Variants in EIF2AK2 observed in about 807,000 individuals in gnomAD.
The protein encoded by EIF2AK2 is interferon-induced, double-stranded RNA-activated protein kinase.
EIF2AK2 carries 40 observed loss-of-function variants against 70.5 expected under a neutral mutation model. That is an observed-to-expected ratio of 0.57 (90% CI 0.44 to 0.74). The LOEUF (loss-of-function observed/expected upper bound fraction) is 0.74, where lower values mean the gene tolerates loss of function less well. Ranked by LOEUF, EIF2AK2 falls within the 30% of genes least tolerant of loss-of-function variation. The pLI is 0.00. For synonymous variants in EIF2AK2, 198 were observed against 220.9 expected (o/e 0.90, Z 0.92); for missense variants, 555 against 644.3 (o/e 0.86, Z 1.50).
chr2:37,118,768 G>A (rs182664967), intron 13 of EIF2AK2, among the ~76,000 whole-genome samples: 3 of 152,264 alleles, frequency 2.0e-5, no homozygotes, highest in East Asian at 1.9e-4. Flanking sequence ...GGCAGACCAC[G>A]GAAGCAATAC....
rs550049023 is a variant in EIF2AK2, at chr2:37,103,784, T to C, written c.*3489A>G. On this transcript the variant is annotated 3_prime_UTR_variant, in exon 17 of 17. Transcript: ENST00000233057. ...TCTCCATGTTGATTTTTGCTGAACA[T>C]TGAAAGTTGCAGACATCATGACACA... 6.6e-6 allele frequency: 1 copy of C among 152,310 alleles called. No homozygotes were observed. The highest frequency in any genetic ancestry group is 2.4e-5 in the African/African-American group (1 of 41,564). The allele number at this position is 152,310 out of a possible 1,614,324, so 9.4% of individuals were successfully genotyped here.
At chr2:37,110,875 T>C (rs1384836302) in intron 14 of EIF2AK2, among the ~76,000 whole-genome samples, 1 of 152,244 alleles carries the variant, frequency 6.6e-6, no homozygotes, top group Non-Finnish European at 1.5e-5. Flanking sequence ...AGCAGCATTA[T>C]TCACCACAGT....
intron 4 of EIF2AK2, 23 bp from the exon 5 acceptor site, chr2:37,141,724 T>G: frequency 1.9e-6 from 3 of 1,582,790 alleles, no homozygotes; most frequent in Non-Finnish European, 2.6e-6. Flanking sequence ...AAAATTCCTG[T>G]TTAATATAAA....
At chr2:37,121,617 ATTTTTTTTTTT>A (rs34031780) in intron 12 of EIF2AK2, among the ~76,000 whole-genome samples, 1 of 122,168 alleles carries the variant, frequency 8.2e-6, no homozygotes, top group African/African-American at 3.0e-5. Flanking sequence ...TGGAGGCTTG[ATTTTTTTTTTT>A]TTTTTTTTTG....
chr2:37,123,977 C>CTTTTTTTTTTT (rs895614657), intron 11 of EIF2AK2, among the ~76,000 whole-genome samples: 3 of 147,552 alleles, frequency 2.0e-5, no homozygotes, highest in African/African-American at 7.5e-5. Flanking sequence ...TAGATTCTTC[C>CTTTTTTTTTTT]TTTTTTTTTT....
intron 1 of EIF2AK2, among the ~76,000 whole-genome samples, chr2:37,152,077 A>C (rs528010797): frequency 2.0e-4 from 30 of 152,358 alleles, no homozygotes; most frequent in African/African-American, 5.5e-4. Context: ...AAAAAACAAC[A>C]ACCACAACAA....
At chr2:37,143,456 A>G (rs969926526) in intron 4 of EIF2AK2, among the ~76,000 whole-genome samples, 1 of 152,210 alleles carries the variant, frequency 6.6e-6, no homozygotes, top group Non-Finnish European at 1.5e-5. Flanking sequence ...TTGGCTCGCT[A>G]TATCCACGGG....
intron 10 of EIF2AK2, among the ~76,000 whole-genome samples, chr2:37,134,483 G>A (rs989488033): frequency 6.6e-6 from 1 of 152,202 alleles, no homozygotes; most frequent in African/African-American, 2.4e-5. Context: ...CAACCTGTTC[G>A]TTTTGCAGCC....
chr2:37,121,252 G>C (rs1331782136), intron 12 of EIF2AK2, among the ~76,000 whole-genome samples: 1 of 95,166 alleles, frequency 1.1e-5, no homozygotes, highest in Non-Finnish European at 1.9e-5. Context: ...GACAGTGCGA[G>C]ACACCGTCTC....
intron 14 of EIF2AK2, among the ~76,000 whole-genome samples, chr2:37,110,903 C>T (rs1674119738): frequency 6.6e-6 from 1 of 152,194 alleles, no homozygotes; most frequent in Non-Finnish European, 1.5e-5. Context: ...TGGAAGCAAC[C>T]TAAGTGTCCA....
intron 3 of EIF2AK2, 118 bp from the exon 4 acceptor site, chr2:37,147,091 T>G (rs775129649): frequency 5.3e-5 from 50 of 950,388 alleles, no homozygotes; most frequent in Non-Finnish European, 7.2e-5. Flanking sequence ...CTACATTCAA[T>G]ATAGCATTTA....
chr2:37,153,762 G>C (rs1443595508), intron 1 of EIF2AK2, among the ~76,000 whole-genome samples: 2 of 151,982 alleles, frequency 1.3e-5, no homozygotes, highest in African/African-American at 4.8e-5. Flanking sequence ...CAACCTTTTG[G>C]CCATCTTGAA....
chr2:37,146,596 T>G (rs1558429439), intron 4 of EIF2AK2, among the ~76,000 whole-genome samples: 1 of 152,232 alleles, frequency 6.6e-6, no homozygotes, highest in Non-Finnish European at 1.5e-5. Flanking sequence ...CACCTTTCCA[T>G]ATTTGTTCAA....
intron 14 of EIF2AK2, among the ~76,000 whole-genome samples, chr2:37,114,172 C>T (rs1249847109): frequency 6.6e-6 from 1 of 151,962 alleles, no homozygotes; most frequent in South Asian, 2.1e-4. Context: ...GTGGTATGTG[C>T]CTCTAGAGTC....
intron 10 of EIF2AK2, among the ~76,000 whole-genome samples, chr2:37,127,161 C>G (rs1219977268): frequency 6.6e-6 from 1 of 152,006 alleles, no homozygotes; most frequent in Non-Finnish European, 1.5e-5. Flanking sequence ...GCTTCGTGTT[C>G]CATCATTAAG....
rs2148711821 is a variant in EIF2AK2 at position 37,146,962 on chromosome 2, T to C, written c.131A>G (p.Gln44Arg). The C allele has an allele frequency of 6.2e-7, 1 of 1,611,364 alleles. No homozygotes were observed. The highest frequency in any genetic ancestry group is 8.5e-7 in the Non-Finnish European group (1 of 1,178,976). Reference sequence around the variant, plus strand: ...AAATTCTCTTCCATCTATTATAACTTGAAATGTAAACCTGATTACAAAGAG... The same window carrying C: ...AAATTCTCTTCCATCTATTATAACTCGAAATGTAAACCTGATTACAAAGAG... ...GPPHDRRFTF[Q>R]VIIDGREFPE... Residue 44 changes from glutamine to arginine, a missense_variant, in exon 4 of 17, where the codon CAA becomes CGA. Transcript: ENST00000233057.
Position 37,136,642 on chromosome 2 carries a change from T to C in EIF2AK2, c.722+341A>G, listed in dbSNP as rs138016492. 217 of 165,284 alleles carry C rather than the reference T, an allele frequency of 1.3e-3. 1 individual carries two copies. The highest frequency in any genetic ancestry group is 4.8e-3 in the African/African-American group (201 of 42,120). 10.2% of individuals were successfully genotyped at this position (165,284 alleles called of 1,614,324 possible). On this transcript the variant is annotated intron_variant, in intron 9 of 16. Transcript: ENST00000233057. ...GACCTTTTTTTAATCCAAGTTTTTATGCTATTTTAACCTTACTTGTCTGCA... is the reference window on the plus strand; with the variant it reads ...GACCTTTTTTTAATCCAAGTTTTTACGCTATTTTAACCTTACTTGTCTGCA...
intron 3 of EIF2AK2, 50 bp downstream of exon 3, chr2:37,147,638 T>C (rs756045646): frequency 4.4e-5 from 55 of 1,254,214 alleles, no homozygotes; most frequent in Non-Finnish European, 6.2e-5. Context: ...ACAAAGGACA[T>C]GAACTCATCA....
At position 37,141,714 on chromosome 2, in the gene EIF2AK2, A is replaced by T. The variant is rs769539700; in HGVS notation, c.241-13T>A. On this transcript the variant is annotated splice_polypyrimidine_tract_variant and intron_variant, in intron 4 of 16. Coordinates refer to ENST00000233057, the MANE Select transcript of EIF2AK2 (RefSeq NM_001135651.3). ...AAGGACTAACTGCCTACAAAGAAAA[A>T]AAATTCCTGTTTAATATAAATGACA... 1 of 1,590,714 alleles carries T rather than the reference A, an allele frequency of 6.3e-7. No homozygotes were observed. The highest frequency in any genetic ancestry group is 1.2e-5 in the South Asian group (1 of 85,926).
Sources: gnomAD v4.1 joint callset for allele counts (sites outside exome capture counted in the v4.1 genomes callset) on GRCh38, gnomAD v4.1.1 for gene constraint, MANE v1.5 for transcripts, NCBI Gene and HGNC (gene_info 2026-07-23, HGNC 2026-07-21) for gene names.